Variants in NECAP1 observed in about 807,000 individuals in gnomAD.
The protein encoded by NECAP1 is NECAP endocytosis associated 1, also known as adaptin ear-binding coat-associated protein 1.
Under a neutral mutation model 33.4 loss-of-function variants are expected in NECAP1, and 13 were observed. The observed-to-expected ratio is 0.39, with a 90% CI of 0.25 to 0.62. The LOEUF is 0.62. Among genes scored for constraint, NECAP1 ranks in the 20% least tolerant of loss-of-function variants. The pLI is 0.52. For missense variants in NECAP1, 272 were observed against 347.4 expected, an observed-to-expected ratio of 0.78 and a Z score of 1.73; for synonymous variants, 109 against 125.2, an observed-to-expected ratio of 0.87 and a Z score of 0.86.
intron 1 of NECAP1, among the ~76,000 whole-genome samples, chr12:8,083,937 T>C (rs1294049837): frequency 6.6e-6 from 1 of 151,996 alleles, no homozygotes; most frequent in Non-Finnish European, 1.5e-5. Context: ...AGACAGGATC[T>C]TGATATATTT....
At chr12:8,096,009 G>A (rs1292389451) in intron 7 of NECAP1, 33 bp from the exon 8 acceptor site, 3 of 1,611,856 alleles carry the variant, frequency 1.9e-6, no homozygotes, top group Non-Finnish European at 8.5e-7. Flanking sequence ...CTAATATTAT[G>A]TCTCTGGCTT....
chr12:8,085,703 T>C (rs1947482960), intron 1 of NECAP1, among the ~76,000 whole-genome samples: 1 of 141,630 alleles, frequency 7.1e-6, no homozygotes, highest in Non-Finnish European at 1.5e-5. Flanking sequence ...TTTTTTTTTT[T>C]TTTTTTTTTT....
chr12:8,087,953 C>T lies in NECAP1; in HGVS notation c.96-1983C>T, dbSNP rs1301708397. On this transcript the variant is annotated intron_variant, in intron 1 of 7. Coordinates refer to ENST00000339754, the MANE Select transcript of NECAP1 (RefSeq NM_015509.4). ...TACCTCTCATCTTGTTAAACTCATT[C>T]TTGTTCAAATATACCTTGTGGTTGC... 3.3e-5 allele frequency among the ~76,000 whole-genome samples: 5 copies of T among 152,078 alleles called. No homozygotes were observed. In the East Asian group the frequency reaches 9.7e-4, roughly 29 times the overall value.
intron 1 of NECAP1, among the ~76,000 whole-genome samples, chr12:8,084,665 T>C (rs1240561658): frequency 6.6e-6 from 1 of 152,204 alleles, no homozygotes; most frequent in Non-Finnish European, 1.5e-5. Flanking sequence ...TGTTCCTGCA[T>C]AGCACTTTAT....
chr12:8,086,928 TACACACACAC>T (rs140539415), intron 1 of NECAP1, among the ~76,000 whole-genome samples: 5 of 143,750 alleles, frequency 3.5e-5, no homozygotes, highest in South Asian at 2.2e-4. Context: ...GAGACTCTAT[TACACACACAC>T]ACACACACAC....
chr12:8,085,254 G>A (rs765899460), intron 1 of NECAP1, among the ~76,000 whole-genome samples: 233 of 152,260 alleles, frequency 1.5e-3, no homozygotes, highest in Non-Finnish European at 2.8e-3. Context: ...TCTTGACCTC[G>A]TGATCCGCCT....
In NECAP1 at chr12:8,096,117, G is replaced by C. The variant is rs1947592169; in HGVS notation, c.*27G>C. 1.2e-6 allele frequency: 2 copies of C among 1,609,672 alleles called. No individual in the cohort carries two copies. Among genetic ancestry groups the C allele is most frequent in the East Asian group, 2.2e-5 (1 of 44,854 alleles). On this transcript the variant is annotated 3_prime_UTR_variant, in exon 8 of 8. Transcript: ENST00000339754. ...TGGCATTGGCAGGACATTAAGGACA[G>C]ACTTGAGGAATAAAAATGACCTTGA...
chr12:8,082,356 C>T lies in NECAP1; in HGVS notation c.68C>T (p.Pro23Leu), dbSNP rs1947447226. ...CCAGACGTCAGCGTCTACCGGATTC[C>T]GCCCCGGGCCTCCAACCGCGGTTAC... ...VKPDVSVYRI[P>L]PRASNRGYRA... The change falls in exon 1 of 8, where the codon CCG becomes CTG. Residue 23 changes from proline (P) to leucine (L), a missense_variant. Coordinates refer to ENST00000339754, the MANE Select transcript of NECAP1 (RefSeq NM_015509.4). The T allele has an allele frequency of 6.2e-7, 1 of 1,613,714 alleles. No homozygotes were observed. The highest frequency in any genetic ancestry group is 1.3e-5 in the African/African-American group (1 of 75,036).
intron 3 of NECAP1, chr12:8,090,763 T>C (rs1947536868): frequency 6.4e-6 from 1 of 155,370 alleles, no homozygotes. Context: ...ATCACGCCAT[T>C]GCACTCCAGC....
At chr12:8,085,741 T>TC (rs1947484281) in intron 1 of NECAP1, among the ~76,000 whole-genome samples, 1 of 127,982 alleles carries the variant, frequency 7.8e-6, no homozygotes, top group Non-Finnish European at 1.6e-5. Context: ...TCTCGCTCTG[T>TC]CACCCAGGCT....
At chr12:8,092,495 A>G (rs866874752) in intron 4 of NECAP1, 181 bp from the exon 5 acceptor site, 56 of 561,802 alleles carry the variant, frequency 1.0e-4, no homozygotes, top group African/African-American at 9.3e-4. Flanking sequence ...GAGAGTCCCC[A>G]GTGGAATTGA....
At chr12:8,094,526 G>C (rs1369591631) in intron 6 of NECAP1, 1 of 152,200 alleles carries the variant, frequency 6.6e-6, no homozygotes, top group East Asian at 1.9e-4. Context: ...GAGTACAGTG[G>C]TGCAGTCATA....
At position 8,085,686 on chromosome 12, in the gene NECAP1, C is replaced by CTTCTTTTTT. The variant is rs1947481617; in HGVS notation, c.95+3305_95+3306insCTTTTTTTT. On this transcript the variant is annotated intron_variant, in intron 1 of 7. Coordinates refer to ENST00000339754, the MANE Select transcript of NECAP1 (RefSeq NM_015509.4). ...TTGTAGGATCCTCTCACTTAATCTT[C>CTTCTTTTTT]TTTTTTTTTTTTTTTTTTTTTTTTT... 5.7e-5 allele frequency among the ~76,000 whole-genome samples: 6 copies of CTTCTTTTTT among 104,812 alleles called. 1 individual carries two copies. The highest frequency in any genetic ancestry group is 1.1e-4 in the Admixed American group (1 of 9,272). 68.8% of individuals were successfully genotyped at this position (104,812 alleles called of 152,430 possible).
chr12:8,092,645 C>T, intron 4 of NECAP1, 31 bp from the exon 5 acceptor site: 1 of 1,544,824 alleles, frequency 6.5e-7, no homozygotes, highest in Non-Finnish European at 8.9e-7. Context: ...CAGGAAATCT[C>T]AAACTAAGAT....
intron 1 of NECAP1, among the ~76,000 whole-genome samples, chr12:8,085,713 T>TTTTTTTTTGTTG (rs1947483504): frequency 7.8e-6 from 1 of 128,954 alleles, no homozygotes; most frequent in African/African-American, 2.8e-5. Context: ...TTTTTTTTTT[T>TTTTTTTTTGTTG]TTGTTGTTGA....
At chr12:8,092,577 C>A in intron 4 of NECAP1, 99 bp from the exon 5 acceptor site, 1 of 799,286 alleles carries the variant, frequency 1.3e-6, no homozygotes, top group Non-Finnish European at 2.0e-6. Flanking sequence ...ACTGTGTTTT[C>A]TGGAATCTCA....
Position 8,096,094 on chromosome 12 carries a change from G to C in NECAP1, c.*4G>C. The C allele has an allele frequency of 6.2e-7, 1 of 1,613,826 alleles. No individual in the cohort carries two copies. The highest frequency in any genetic ancestry group is 8.5e-7 in the Non-Finnish European group (1 of 1,179,810). ...ATCCAACTGGGTCCAGTTCTGAATG[G>C]CATTGGCAGGACATTAAGGACAGAC... On this transcript the variant is annotated 3_prime_UTR_variant, in exon 8 of 8. Coordinates refer to ENST00000339754, the MANE Select transcript of NECAP1 (RefSeq NM_015509.4).
In NECAP1 at chr12:8,095,849, T is replaced by C. The variant is rs145616737; in HGVS notation, c.779+146T>C. On this transcript the variant is annotated intron_variant, in intron 7 of 7. Transcript: ENST00000339754. ...AGTTCTAGTGAAGGAAATATAGTAGTGCTGGGAATGGGGGGACAAAAAAGC... is the reference window on the plus strand; with the variant it reads ...AGTTCTAGTGAAGGAAATATAGTAGCGCTGGGAATGGGGGGACAAAAAAGC... The C allele has an allele frequency of 4.8e-3, 5,168 of 1,079,446 alleles. 20 individuals are homozygous for C. The highest frequency in any genetic ancestry group is 6.2e-3 in the Non-Finnish European group (4,628 of 741,780). The allele number at this position is 1,079,446 out of a possible 1,614,324, so 66.9% of individuals were successfully genotyped here. A position where few individuals can be genotyped will look rare whatever the true frequency, so the allele number is the denominator to read the frequency against.
intron 1 of NECAP1, among the ~76,000 whole-genome samples, chr12:8,086,056 G>A (rs1371827323): frequency 6.6e-6 from 1 of 152,084 alleles, no homozygotes; most frequent in Non-Finnish European, 1.5e-5. Flanking sequence ...CATAATAAAT[G>A]CTTGATAAAT....
Sources: gnomAD v4.1 joint callset for allele counts (sites outside exome capture counted in the v4.1 genomes callset) on GRCh38, gnomAD v4.1.1 for gene constraint, MANE v1.5 for transcripts, NCBI Gene and HGNC (gene_info 2026-07-23, HGNC 2026-07-21) for gene names.